Variants in SUGCT observed in about 807,000 individuals in gnomAD.
SUGCT encodes the protein succinyl-CoA:glutarate-CoA transferase, also known as succinyl-CoA:glutarate CoA-transferase.
Under a neutral mutation model 55.0 loss-of-function variants are expected in SUGCT, and 41 were observed. The ratio of observed to expected loss-of-function variants is 0.74; its 90% CI spans 0.58 to 0.97. The LOEUF (loss-of-function observed/expected upper bound fraction) is 0.97, where lower values mean the gene tolerates loss of function less well. Ranked by LOEUF, SUGCT falls within the 50% of genes least tolerant of loss-of-function variation. The pLI is 0.00. For synonymous variants in SUGCT, 187 were observed against 200.4 expected (o/e 0.93, Z 0.56); for missense variants, 568 against 547.8 (o/e 1.04, Z -0.37).
At chr7:40,981,534 G>A in the SUGCT span, among the ~76,000 whole-genome samples, 1 of 152,246 alleles carries the variant, frequency 6.6e-6, no homozygotes, top group Non-Finnish European at 1.5e-5. Context: ...ATATGGAGGG[G>A]CTGAGAAATT....
At chr7:40,599,355 G>A (rs1272458483) in intron 12 of SUGCT, among the ~76,000 whole-genome samples, 2 of 152,140 alleles carry the variant, frequency 1.3e-5, no homozygotes, top group Admixed American at 6.5e-5. Context: ...AGGAAATGAA[G>A]TGTGGGAGGG....
intron 1 of SUGCT, among the ~76,000 whole-genome samples, chr7:40,136,659 G>A (rs943558757): frequency 1.3e-5 from 2 of 152,180 alleles, no homozygotes; most frequent in African/African-American, 4.8e-5. Flanking sequence ...AAATACAGTA[G>A]TTCTGTCCTG....
intron 8 of SUGCT, among the ~76,000 whole-genome samples, chr7:40,309,180 T>C (rs1015081911): frequency 1.1e-4 from 17 of 152,244 alleles, no homozygotes; most frequent in African/African-American, 3.9e-4. Context: ...CCTGTATATG[T>C]CTGAATGTAC....
intron 9 of SUGCT, among the ~76,000 whole-genome samples, chr7:40,365,769 C>A (rs922667791): frequency 2.6e-5 from 4 of 152,086 alleles, no homozygotes; most frequent in African/African-American, 9.7e-5. Context: ...AAAGAGGACA[C>A]AAACAAATGG....
intron 9 of SUGCT, among the ~76,000 whole-genome samples, chr7:40,325,697 T>C (rs1795991499): frequency 6.6e-6 from 1 of 152,072 alleles, no homozygotes; most frequent in South Asian, 2.1e-4. Flanking sequence ...TCCCAGCTAC[T>C]CGGGAGGCTG....
the SUGCT span, among the ~76,000 whole-genome samples, chr7:40,932,508 A>G: frequency 1.3e-5 from 2 of 152,188 alleles, no homozygotes; most frequent in African/African-American, 4.8e-5. Flanking sequence ...TGATCCGTCT[A>G]ATACTGACAG....
intron 3 of SUGCT, among the ~76,000 whole-genome samples, chr7:40,187,401 G>A (rs9639824): frequency 0.39 from 58,825 of 151,702 alleles, 12,820 homozygotes; most frequent in Middle Eastern, 0.59. Context: ...AAACCTGCAC[G>A]TTGTGCACAT....
intron 9 of SUGCT, among the ~76,000 whole-genome samples, chr7:40,390,321 A>G (rs1185810516): frequency 2.6e-5 from 4 of 152,204 alleles, no homozygotes; most frequent in East Asian, 1.9e-4. Context: ...ACGGTATTCA[A>G]TTAGGAAAAG....
At chr7:40,886,997 C>A in the SUGCT span, among the ~76,000 whole-genome samples, 3 of 152,186 alleles carry the variant, frequency 2.0e-5, no homozygotes, top group African/African-American at 7.2e-5. Flanking sequence ...TCCCTTGGAC[C>A]TATACCTGAG....
intron 12 of SUGCT, among the ~76,000 whole-genome samples, chr7:40,592,106 T>C (rs1797758385): frequency 6.6e-6 from 1 of 152,196 alleles, no homozygotes; most frequent in African/African-American, 2.4e-5. Context: ...CAAATTTACA[T>C]TAGAAGACAA....
chr7:40,478,451 G>A (rs1273046668), intron 11 of SUGCT, among the ~76,000 whole-genome samples: 1 of 152,136 alleles, frequency 6.6e-6, no homozygotes, highest in East Asian at 1.9e-4. Context: ...TGAAACTAAG[G>A]CTTAAAGACT....
intron 12 of SUGCT, among the ~76,000 whole-genome samples, chr7:40,733,162 C>T (rs541943435): frequency 1.3e-5 from 2 of 152,212 alleles, no homozygotes; most frequent in African/African-American, 4.8e-5. Context: ...CCTGACTGGA[C>T]TCATGTCACT....
intron 12 of SUGCT, among the ~76,000 whole-genome samples, chr7:40,531,714 C>G (rs146594324): frequency 0.027 from 4,140 of 152,160 alleles, 187 homozygotes; most frequent in African/African-American, 0.096. Flanking sequence ...CGCTCTGTCA[C>G]CCAGGCTGGA....
intron 1 of SUGCT, among the ~76,000 whole-genome samples, chr7:40,176,136 G>A (rs1562816111): frequency 6.6e-6 from 1 of 152,078 alleles, no homozygotes; most frequent in Non-Finnish European, 1.5e-5. Flanking sequence ...GGAGGCTGAG[G>A]CAGGAGAATC....
intron 9 of SUGCT, among the ~76,000 whole-genome samples, chr7:40,326,297 A>T (rs544264005): frequency 2.0e-5 from 3 of 152,156 alleles, no homozygotes; most frequent in Non-Finnish European, 4.4e-5. Context: ...AGATCATTGT[A>T]CTAAGTGTTT....
chr7:40,795,647 C>T (rs1018148748), intron 13 of SUGCT, among the ~76,000 whole-genome samples: 9 of 152,084 alleles, frequency 5.9e-5, no homozygotes, highest in African/African-American at 1.2e-4. Context: ...GTTAAGAGGG[C>T]TTGTATTCTC....
At chr7:40,135,449 C>T (rs1296289045) in intron 1 of SUGCT, among the ~76,000 whole-genome samples, 1 of 152,248 alleles carries the variant, frequency 6.6e-6, no homozygotes, top group African/African-American at 2.4e-5. Context: ...AAAATGCACA[C>T]CAAGCCACAT....
chr7:40,968,411 C>G, the SUGCT span, among the ~76,000 whole-genome samples: 1 of 152,208 alleles, frequency 6.6e-6, no homozygotes, highest in Non-Finnish European at 1.5e-5. Context: ...GGGCTTAACA[C>G]TAACTGGCAT....
intron 3 of SUGCT, among the ~76,000 whole-genome samples, chr7:40,185,057 T>G (rs1397813502): frequency 6.6e-6 from 1 of 152,208 alleles, no homozygotes; most frequent in African/African-American, 2.4e-5. Context: ...CCTGACAGTC[T>G]TAGGCAGTAG....
Sources: gnomAD v4.1 joint callset for allele counts (sites outside exome capture counted in the v4.1 genomes callset) on GRCh38, gnomAD v4.1.1 for gene constraint, MANE v1.5 for transcripts, NCBI Gene and HGNC (gene_info 2026-07-23, HGNC 2026-07-21) for gene names.